Variants in DTNBP1 observed in about 807,000 individuals in gnomAD.
DTNBP1 encodes dystrobrevin binding protein 1, also known as dysbindin.
A neutral mutation model predicts 42.8 loss-of-function variants in DTNBP1; 35 were observed. The observed-to-expected ratio is 0.82, with a 90% CI of 0.63 to 1.09. The LOEUF (loss-of-function observed/expected upper bound fraction) is 1.09. DTNBP1 is among the 50% of genes least tolerant of loss of function. DTNBP1 has a pLI of 0.00. For synonymous variants in DTNBP1, 171 were observed against 162.2 expected, an observed-to-expected ratio of 1.05 and a Z score of -0.41; for missense variants, 457 against 424.2, an observed-to-expected ratio of 1.08 and a Z score of -0.68.
intron 8 of DTNBP1, among the ~76,000 whole-genome samples, chr6:15,525,398 A>T (rs568917847): frequency 6.6e-6 from 1 of 152,338 alleles, no homozygotes; most frequent in African/African-American, 2.4e-5. Flanking sequence ...GCAAATGCAA[A>T]TTATTTCTGG....
intron 2 of DTNBP1, 61 bp downstream of exon 2, chr6:15,652,026 T>A: frequency 6.9e-7 from 1 of 1,442,318 alleles, no homozygotes; most frequent in South Asian, 1.2e-5. Flanking sequence ...CAATTGTGAA[T>A]ACACCAAAAG....
At chr6:15,563,358 A>C (rs1561961237) in intron 7 of DTNBP1, among the ~76,000 whole-genome samples, 1 of 152,242 alleles carries the variant, frequency 6.6e-6, no homozygotes, top group Admixed American at 6.5e-5. Context: ...AAAAGAAAAT[A>C]ATAAAATGGA....
At position 15,522,945 on chromosome 6, in the gene DTNBP1, A is replaced by C. The variant is rs773531090; in HGVS notation, c.*30T>G. The C allele has an allele frequency of 1.9e-6, 3 of 1,614,112 alleles. No individual in the cohort carries two copies. In the African/African-American group the frequency reaches 4.0e-5, roughly 22 times the overall value. ...CCGCATACAGCCAAAACTGGATTCC[A>C]GTGTGGCCAGACAACGCCCATGTCC... On this transcript the variant is annotated 3_prime_UTR_variant, in exon 10 of 10. Coordinates refer to ENST00000344537, the MANE Select transcript of DTNBP1 (RefSeq NM_032122.5).
chr6:15,564,518 A>C (rs1429321917), intron 7 of DTNBP1, among the ~76,000 whole-genome samples: 9 of 151,864 alleles, frequency 5.9e-5, no homozygotes, highest in South Asian at 2.1e-4. Context: ...AGCGATTCTC[A>C]TGCCTCAGCC....
intron 9 of DTNBP1, chr6:15,523,562 C>CTTT (rs5874516): frequency 5.2e-5 from 61 of 1,184,014 alleles, no homozygotes; most frequent in Non-Finnish European, 5.8e-5. Flanking sequence ...ATCTAGATTT[C>CTTT]TTTTTTTTTT....
chr6:15,578,334 A>G (rs1437170434), intron 7 of DTNBP1, among the ~76,000 whole-genome samples: 1 of 152,218 alleles, frequency 6.6e-6, no homozygotes, highest in African/African-American at 2.4e-5. Context: ...TTGAGAAAAG[A>G]GCATTCTCCT....
intron 3 of DTNBP1, among the ~76,000 whole-genome samples, chr6:15,648,612 CA>C (rs1166421803): frequency 2.6e-5 from 4 of 151,078 alleles, no homozygotes; most frequent in South Asian, 2.1e-4. Context: ...ATAAATAATT[CA>C]AAAAAAGCAA....
At chr6:15,645,950 T>A (rs905861688) in intron 3 of DTNBP1, among the ~76,000 whole-genome samples, 2 of 151,786 alleles carry the variant, frequency 1.3e-5, no homozygotes, top group Non-Finnish European at 2.9e-5. Context: ...CAATCAAGCA[T>A]GAGAAAGAAA....
At chr6:15,620,366 T>A (rs1033741947) in intron 5 of DTNBP1, among the ~76,000 whole-genome samples, 4 of 152,024 alleles carry the variant, frequency 2.6e-5, no homozygotes, top group African/African-American at 7.2e-5. Flanking sequence ...ATATATATAT[T>A]TTTTTGTAGA....
At chr6:15,622,973 T>C (rs1005789053) in intron 5 of DTNBP1, among the ~76,000 whole-genome samples, 7 of 152,302 alleles carry the variant, frequency 4.6e-5, no homozygotes, top group Admixed American at 2.0e-4. Flanking sequence ...TGCAAACCCA[T>C]AGGTCACAGA....
In DTNBP1 at chr6:15,578,328, GA is replaced by G. The variant is rs1775672605; in HGVS notation, c.511+14730del. On this transcript the variant is annotated intron_variant, in intron 7 of 9. Transcript: ENST00000344537. ...TCAGGGAGGGGATGTCCCAGTTTGAGAAAAGAGCATTCTCCTAGTGCGCAGA... is the reference window on the plus strand; with the variant it reads ...TCAGGGAGGGGATGTCCCAGTTTGAGAAAGAGCATTCTCCTAGTGCGCAGA... Among the ~76,000 whole-genome samples, 4 of 152,226 alleles carry G rather than the reference GA, an allele frequency of 2.6e-5. No individual in the cohort carries two copies. The South Asian group carries it at 8.3e-4, about 32-fold the overall frequency.
chr6:15,636,842 T>G (rs1424226698), intron 4 of DTNBP1, among the ~76,000 whole-genome samples: 2 of 152,200 alleles, frequency 1.3e-5, no homozygotes, highest in African/African-American at 2.4e-5. Context: ...TTTTGTTGTG[T>G]TGTTGTTGTT....
At chr6:15,575,398 C>T (rs1162530208) in intron 7 of DTNBP1, among the ~76,000 whole-genome samples, 3 of 152,220 alleles carry the variant, frequency 2.0e-5, no homozygotes, top group East Asian at 3.8e-4. Flanking sequence ...CACGTTGCCA[C>T]CATTCTCCAA....
intron 8 of DTNBP1, among the ~76,000 whole-genome samples, chr6:15,525,433 T>C (rs537509918): frequency 6.6e-6 from 1 of 152,348 alleles, no homozygotes; most frequent in Admixed American, 6.5e-5. Flanking sequence ...AACCTTGGTT[T>C]AAACAAAGTC....
At chr6:15,652,192 A>G in intron 1 of DTNBP1, 52 bp from the exon 2 acceptor site, 1 of 1,437,718 alleles carries the variant, frequency 7.0e-7, no homozygotes, top group Non-Finnish European at 9.5e-7. Flanking sequence ...GATTATTATT[A>G]TTTTTTTGAG....
chr6:15,619,490 G>A (rs1758917024), intron 5 of DTNBP1, among the ~76,000 whole-genome samples: 1 of 152,014 alleles, frequency 6.6e-6, no homozygotes, highest in East Asian at 1.9e-4. Context: ...TGCAACTGAG[G>A]GACAGTCTAC....
chr6:15,548,903 C>T (rs1774046417), intron 7 of DTNBP1, among the ~76,000 whole-genome samples: 1 of 151,996 alleles, frequency 6.6e-6, no homozygotes, highest in African/African-American at 2.4e-5. Context: ...GAGAAAAATC[C>T]TTCAGATGTA....
intron 3 of DTNBP1, among the ~76,000 whole-genome samples, chr6:15,650,806 CTA>C (rs1562013969): frequency 6.6e-6 from 1 of 152,130 alleles, no homozygotes; most frequent in Non-Finnish European, 1.5e-5. Flanking sequence ...TTCTCACATT[CTA>C]TGTTTTGTCA....
intron 6 of DTNBP1, among the ~76,000 whole-genome samples, chr6:15,606,084 A>G (rs1758034683): frequency 6.6e-6 from 1 of 152,258 alleles, no homozygotes; most frequent in Admixed American, 6.5e-5. Flanking sequence ...GCACAAATGA[A>G]GTGGATTAAA....
Sources: gnomAD v4.1 joint callset for allele counts (sites outside exome capture counted in the v4.1 genomes callset) on GRCh38, gnomAD v4.1.1 for gene constraint, MANE v1.5 for transcripts, NCBI Gene and HGNC (gene_info 2026-07-23, HGNC 2026-07-21) for gene names.